Variants in LRBA observed in about 807,000 individuals in gnomAD.
The protein encoded by LRBA is lipopolysaccharide-responsive and beige-like anchor protein.
A neutral mutation model predicts 330.0 loss-of-function variants in LRBA; 176 were observed. The observed-to-expected ratio is 0.53, with a 90% CI of 0.47 to 0.60. The LOEUF is 0.60. Among genes scored for constraint, LRBA ranks in the 20% least tolerant of loss-of-function variants. LRBA has a pLI of 0.00. For missense variants in LRBA, 3,259 were observed against 3,444.8 expected (o/e 0.95, Z 1.35); for synonymous variants, 1,230 against 1,193.0 (o/e 1.03, Z -0.64).
chr4:150,551,752 T>C (rs1766625310), intron 40 of LRBA, among the ~76,000 whole-genome samples: 1 of 152,106 alleles, frequency 6.6e-6, no homozygotes, highest in African/African-American at 2.4e-5. Flanking sequence ...GAGAGAGCCA[T>C]TTTAAACCAC....
chr4:150,999,430 CTT>C (rs1334446246), intron 2 of LRBA, among the ~76,000 whole-genome samples: 1 of 145,692 alleles, frequency 6.9e-6, no homozygotes. Flanking sequence ...TGCTGATTTC[CTT>C]TTTTTTTTTA....
chr4:150,809,308 C>G (rs1743260037), intron 31 of LRBA, among the ~76,000 whole-genome samples: 2 of 152,128 alleles, frequency 1.3e-5, no homozygotes, highest in Non-Finnish European at 2.9e-5. Flanking sequence ...CACTTGGTGT[C>G]CAGATCTTGG....
chr4:150,870,406 C>A (rs1409882826), intron 20 of LRBA, 119 bp downstream of exon 20: 5 of 691,594 alleles, frequency 7.2e-6, no homozygotes, highest in Admixed American at 4.4e-5. Context: ...AATATCATCA[C>A]CCTTAATGAA....
intron 22 of LRBA, among the ~76,000 whole-genome samples, chr4:150,853,353 G>T (rs1280379273): frequency 8.5e-5 from 13 of 152,112 alleles, no homozygotes; most frequent in Non-Finnish European, 1.5e-5. Flanking sequence ...TTGTCCGCAG[G>T]AGAGATTAAA....
At chr4:150,805,211 GAAGGAAGGAAAGGA>G (rs1291496933) in intron 33 of LRBA, among the ~76,000 whole-genome samples, 1 of 59,642 alleles carries the variant, frequency 1.7e-5, no homozygotes, top group East Asian at 3.8e-4. Flanking sequence ...AGGAAGGAAG[GAAGGAAGGAAAGGA>G]AAGGAAAGGA....
intron 36 of LRBA, chr4:150,721,530 T>C: frequency 4.6e-6 from 1 of 215,872 alleles, no homozygotes; most frequent in Non-Finnish European, 9.0e-6. Context: ...TTTTTTCCTC[T>C]TCCTTTTGGG....
At chr4:150,422,612 G>A (rs1309352279) in intron 46 of LRBA, 3 of 580,116 alleles carry the variant, frequency 5.2e-6, no homozygotes, top group Non-Finnish European at 9.4e-6. Flanking sequence ...GTTCCCCAAG[G>A]GACAAGGTTC....
intron 46 of LRBA, among the ~76,000 whole-genome samples, chr4:150,418,527 A>G (rs185554774): frequency 1.4e-3 from 213 of 152,300 alleles, no homozygotes; most frequent in African/African-American, 4.9e-3. Context: ...TTTCCATTTA[A>G]TTACTATGGA....
At chr4:150,553,568 AG>A (rs1766900495) in intron 40 of LRBA, among the ~76,000 whole-genome samples, 1 of 152,192 alleles carries the variant, frequency 6.6e-6, no homozygotes, top group Non-Finnish European at 1.5e-5. Flanking sequence ...CTTAGAAGAC[AG>A]AATACAAAAA....
Position 150,321,806 on chromosome 4 carries a change from A to C in LRBA, c.7453-438T>G, listed in dbSNP as rs7692491. 0.87 allele frequency among the ~76,000 whole-genome samples: 132,505 copies of C among 152,050 alleles called. 58,445 individuals are homozygous for C. Among genetic ancestry groups the C allele is most frequent in the Non-Finnish European group, 0.93 (62,987 of 67,986 alleles). ...AATGGACAACAGGCATAAAAGCAAG[A>C]CAAGGTAATTTCCAAAGATCATCAA... is the stretch of plus-strand genomic sequence containing the variant. On this transcript the variant is annotated intron_variant, in intron 49 of 56. Transcript: ENST00000651943. The surrounding 1 kb of genome is among the most constrained non-coding windows in gnomAD (Gnocchi z 4.5).
intron 30 of LRBA, among the ~76,000 whole-genome samples, chr4:150,825,935 G>A (rs1578904205): frequency 6.6e-6 from 1 of 152,076 alleles, no homozygotes; most frequent in African/African-American, 2.4e-5. Flanking sequence ...AAAGGAAGTT[G>A]GCAAAGTTGT....
chr4:150,401,727 CTG>C (rs1342735902), intron 47 of LRBA, among the ~76,000 whole-genome samples: 1 of 152,042 alleles, frequency 6.6e-6, no homozygotes, highest in Admixed American at 6.6e-5. Context: ...AAATGGATAA[CTG>C]TGCTGTAGTT....
intron 16 of LRBA, among the ~76,000 whole-genome samples, chr4:150,894,218 T>C (rs1430460582): frequency 6.6e-6 from 1 of 152,214 alleles, no homozygotes; most frequent in Non-Finnish European, 1.5e-5. Flanking sequence ...ATATTATGTA[T>C]CATTTCTTAA....
At chr4:150,295,893 T>G (rs1213344784) in intron 53 of LRBA, among the ~76,000 whole-genome samples, 1 of 152,182 alleles carries the variant, frequency 6.6e-6, no homozygotes, top group Non-Finnish European at 1.5e-5. Context: ...GAGACTTCAT[T>G]TGTTGTTTTC....
At chr4:150,372,472 A>C (rs1237402287) in intron 47 of LRBA, among the ~76,000 whole-genome samples, 1 of 148,860 alleles carries the variant, frequency 6.7e-6, no homozygotes, top group Non-Finnish European at 1.5e-5. Context: ...GTAGTGGCAC[A>C]CGCTTGTGGT....
chr4:150,774,602 A>T (rs1737019549), intron 34 of LRBA, among the ~76,000 whole-genome samples: 2 of 152,242 alleles, frequency 1.3e-5, no homozygotes, highest in Admixed American at 1.3e-4. Flanking sequence ...AAGTATAAGG[A>T]TAATTGCCTC....
chr4:150,887,700 C>T (rs1161173552), intron 17 of LRBA, among the ~76,000 whole-genome samples: 2 of 140,892 alleles, frequency 1.4e-5, no homozygotes, highest in Admixed American at 7.7e-5. Context: ...ACCCAGGAGG[C>T]GGAGCTTACA....
At chr4:150,622,909 G>A (rs1167640718) in intron 37 of LRBA, among the ~76,000 whole-genome samples, 1 of 152,032 alleles carries the variant, frequency 6.6e-6, no homozygotes, top group Non-Finnish European at 1.5e-5. Flanking sequence ...GTGTTAGCCA[G>A]GATGGTCTCG....
intron 53 of LRBA, among the ~76,000 whole-genome samples, chr4:150,287,901 C>T (rs1748334979): frequency 6.6e-6 from 1 of 151,982 alleles, no homozygotes; most frequent in African/African-American, 2.4e-5. Flanking sequence ...TTGTTTCTTA[C>T]AAAGTCCAGA....
Sources: gnomAD v4.1 joint callset for allele counts (sites outside exome capture counted in the v4.1 genomes callset) on GRCh38, gnomAD v4.1.1 for gene constraint, Gnocchi (gnomAD v3.1) non-coding constraint, MANE v1.5 for transcripts, NCBI Gene and HGNC (gene_info 2026-07-23, HGNC 2026-07-21) for gene names.